ZNF385B: variants seen among roughly 807,000 people sequenced by gnomAD.
ZNF385B encodes the protein zinc finger protein 533.
In ZNF385B, 23 loss-of-function variants were observed where a neutral mutation model predicts 39.2. The observed-to-expected ratio is 0.59, with a 90% CI of 0.42 to 0.83. ZNF385B has a LOEUF of 0.83. Ranked by LOEUF, ZNF385B falls within the 40% of genes least tolerant of loss-of-function variation. The probability of loss-of-function intolerance (pLI) is 0.00; values close to 1 mark genes in which losing one functional copy is unlikely to be tolerated. For synonymous variants in ZNF385B, 205 were observed against 222.6 expected, an observed-to-expected ratio of 0.92 and a Z score of 0.70; for missense variants, 552 against 598.9, an observed-to-expected ratio of 0.92 and a Z score of 0.82.
At chr2:179,807,261 T>C (rs755484903) in intron 1 of ZNF385B, among the ~76,000 whole-genome samples, 9 of 152,212 alleles carry the variant, frequency 5.9e-5, no homozygotes, top group Non-Finnish European at 8.8e-5. Context: ...ACTAGCTGTA[T>C]CATAGATAAA....
intron 1 of ZNF385B, among the ~76,000 whole-genome samples, chr2:179,854,939 T>C (rs1684463892): frequency 1.3e-5 from 2 of 152,206 alleles, no homozygotes; most frequent in African/African-American, 4.8e-5. Flanking sequence ...TGAAACTTTT[T>C]ATTCCAAGAG....
intron 3 of ZNF385B, among the ~76,000 whole-genome samples, chr2:179,649,855 A>G (rs925656684): frequency 3.3e-5 from 5 of 152,174 alleles, no homozygotes; most frequent in African/African-American, 1.2e-4. Context: ...TTTTGCTTTA[A>G]TTTGAAAAAA....
At chr2:179,574,976 C>T (rs1050552232) in intron 3 of ZNF385B, among the ~76,000 whole-genome samples, 2 of 152,088 alleles carry the variant, frequency 1.3e-5, no homozygotes, top group Non-Finnish European at 2.9e-5. Context: ...GCCCTTCTTT[C>T]GTTTCTGTGT....
intron 1 of ZNF385B, among the ~76,000 whole-genome samples, chr2:179,860,286 T>A (rs142575623): frequency 1.3e-5 from 2 of 152,092 alleles, no homozygotes; most frequent in African/African-American, 2.4e-5. Flanking sequence ...AGAGGGGGGA[T>A]ACTTCTTGGC....
chr2:179,713,632 G>C (rs940590450), intron 3 of ZNF385B, among the ~76,000 whole-genome samples: 1 of 152,128 alleles, frequency 6.6e-6, no homozygotes, highest in Non-Finnish European at 1.5e-5. Context: ...AGCTCCATCA[G>C]GGCAAGGTCC....
intron 4 of ZNF385B, among the ~76,000 whole-genome samples, chr2:179,522,500 A>T (rs1187978150): frequency 7.1e-6 from 1 of 141,182 alleles, no homozygotes; most frequent in Non-Finnish European, 1.5e-5. Flanking sequence ...GATAAATGCA[A>T]GTAACTCATT....
rs532551925 is a variant in ZNF385B at position 179,553,212 on chromosome 2, A to C, written c.299-8243T>G. ...GACCTCCAAACAGATATAGTATTCAACTGGGAATTAGTTGAAACTTATTTG... is the reference window on the plus strand; with the variant it reads ...GACCTCCAAACAGATATAGTATTCACCTGGGAATTAGTTGAAACTTATTTG... On this transcript the variant is annotated intron_variant, in intron 3 of 9. Transcript: ENST00000410066. 2.0e-5 allele frequency among the ~76,000 whole-genome samples: 3 copies of C among 149,342 alleles called. 1 individual carries two copies. Among genetic ancestry groups the C allele is most frequent in the East Asian group, 1.9e-4 (1 of 5,178 alleles).
rs1316646971 is a variant in ZNF385B, at chr2:179,770,657, T to C, written c.-139A>G. ...AACATCAATTTAATATTTGATGGAG[T>C]TGAAATGTAGAACATCTGAAATACA... is the stretch of plus-strand genomic sequence containing the variant. On this transcript the variant is annotated 5_prime_UTR_variant, in exon 2 of 10. Transcript: ENST00000410066. The C allele has an allele frequency of 6.6e-6, 1 of 152,226 alleles. No homozygotes were observed. The highest frequency in any genetic ancestry group is 1.9e-4 in the East Asian group (1 of 5,198). The allele number at this position is 152,226 out of a possible 1,614,324, so 9.4% of individuals were successfully genotyped here. A position where few individuals can be genotyped will look rare whatever the true frequency, so the allele number is the denominator to read the frequency against.
At chr2:179,448,718 T>C (rs773964310) in intron 6 of ZNF385B, among the ~76,000 whole-genome samples, 6 of 152,118 alleles carry the variant, frequency 3.9e-5, no homozygotes, top group Non-Finnish European at 7.4e-5. Flanking sequence ...GATTAGTAAG[T>C]GGCATAAATG....
intron 1 of ZNF385B, among the ~76,000 whole-genome samples, chr2:179,819,384 A>T (rs1707265470): frequency 6.6e-6 from 1 of 151,002 alleles, no homozygotes; most frequent in African/African-American, 2.4e-5. Flanking sequence ...TCATGACATC[A>T]CCTCCCCCTC....
chr2:179,451,970 TG>T (rs1413880731), intron 6 of ZNF385B, among the ~76,000 whole-genome samples: 1 of 152,148 alleles, frequency 6.6e-6, no homozygotes, highest in Non-Finnish European at 1.5e-5. Flanking sequence ...CTGGTTAAGA[TG>T]AAATCCATTT....
intron 6 of ZNF385B, among the ~76,000 whole-genome samples, chr2:179,472,415 G>T (rs2052873090): frequency 6.6e-6 from 1 of 152,140 alleles, no homozygotes; most frequent in Admixed American, 6.6e-5. Context: ...TGCTAGGGAA[G>T]ACAAATTATT....
intron 3 of ZNF385B, chr2:179,745,866 A>C: frequency 3.8e-6 from 5 of 1,309,214 alleles, no homozygotes; most frequent in Non-Finnish European, 4.9e-6. Context: ...TGACAGCACC[A>C]CGTTATATCA....
At chr2:179,446,229 G>A (rs1053502203) in intron 7 of ZNF385B, among the ~76,000 whole-genome samples, 2 of 152,042 alleles carry the variant, frequency 1.3e-5, no homozygotes, top group Admixed American at 6.6e-5. Context: ...GTATTGCAGT[G>A]AACACTGTGC....
intron 3 of ZNF385B, among the ~76,000 whole-genome samples, chr2:179,592,607 T>A (rs759194506): frequency 3.3e-5 from 5 of 152,194 alleles, no homozygotes; most frequent in Non-Finnish European, 5.9e-5. Context: ...TACCGTAAGA[T>A]GTTTGGACAC....
intron 3 of ZNF385B, among the ~76,000 whole-genome samples, chr2:179,724,363 G>C (rs918093149): frequency 3.9e-5 from 6 of 151,942 alleles, no homozygotes; most frequent in African/African-American, 1.2e-4. Context: ...CTAAATGAAG[G>C]CTTTGTGATA....
intron 4 of ZNF385B, among the ~76,000 whole-genome samples, chr2:179,536,107 T>G (rs2059550202): frequency 6.6e-6 from 1 of 152,218 alleles, no homozygotes; most frequent in Non-Finnish European, 1.5e-5. Flanking sequence ...TTTTTTGTAT[T>G]TATTAGGCTT....
At chr2:179,494,268 G>A (rs2055907094) in intron 5 of ZNF385B, among the ~76,000 whole-genome samples, 2 of 152,108 alleles carry the variant, frequency 1.3e-5, no homozygotes, top group South Asian at 4.1e-4. Flanking sequence ...CTGAGTAGAT[G>A]CAGAATCACA....
chr2:179,526,289 C>T (rs2058890750), intron 4 of ZNF385B, among the ~76,000 whole-genome samples: 1 of 151,934 alleles, frequency 6.6e-6, no homozygotes, highest in Non-Finnish European at 1.5e-5. Flanking sequence ...TCAGAAGGCT[C>T]ATTAAAAATA....
Sources: gnomAD v4.1 joint callset for allele counts (sites outside exome capture counted in the v4.1 genomes callset) on GRCh38, gnomAD v4.1.1 for gene constraint, MANE v1.5 for transcripts, NCBI Gene and HGNC (gene_info 2026-07-23, HGNC 2026-07-21) for gene names.